Variants in GAB2 observed in about 807,000 individuals in gnomAD.
GAB2 encodes GRB2 associated binding protein 2.
Under a neutral mutation model 65.5 loss-of-function variants are expected in GAB2, and 26 were observed. The ratio of observed to expected loss-of-function variants is 0.40; its 90% CI spans 0.29 to 0.55. The LOEUF (loss-of-function observed/expected upper bound fraction) is 0.55, where lower values mean the gene tolerates loss of function less well. Among genes scored for constraint, GAB2 ranks in the 20% least tolerant of loss-of-function variants. GAB2 has a pLI of 0.53. For synonymous variants in GAB2, 321 were observed against 329.6 expected (o/e 0.97, Z 0.28); for missense variants, 884 against 875.8 (o/e 1.01, Z -0.12).
In GAB2 at chr11:78,341,773, T is replaced by C. The variant is rs375493815; in HGVS notation, c.76-60872A>G. On this transcript the variant is annotated intron_variant, in intron 1 of 9. Coordinates refer to ENST00000361507, the MANE Select transcript of GAB2 (RefSeq NM_080491.3). The stretch of plus-strand genomic sequence containing the variant: ...CCCAAAACTCACCTTTTCATGATGA[T>C]ACCAAAGGTCTAATTCCCTCACTTG... 504 of 986,282 alleles carry C rather than the reference T, an allele frequency of 5.1e-4. 9 individuals carry two copies. In the South Asian group the frequency reaches 0.021, roughly 42 times the overall value. 61.1% of individuals were successfully genotyped at this position (986,282 alleles called of 1,614,324 possible).
At chr11:78,224,088 TAAAAA>T (rs1031712281) in intron 5 of GAB2, among the ~76,000 whole-genome samples, 1 of 151,406 alleles carries the variant, frequency 6.6e-6, no homozygotes, top group African/African-American at 2.4e-5. Flanking sequence ...TTTCAAAAAA[TAAAAA>T]ATAAAAAAAA....
chr11:78,258,335 T>C (rs1565129571), intron 2 of GAB2, among the ~76,000 whole-genome samples: 1 of 152,116 alleles, frequency 6.6e-6, no homozygotes, highest in African/African-American at 2.4e-5. Context: ...GAGTGACAAA[T>C]GAAAGAGCAA....
At chr11:78,251,466 T>C (rs768912938) in intron 2 of GAB2, among the ~76,000 whole-genome samples, 23 of 152,232 alleles carry the variant, frequency 1.5e-4, no homozygotes, top group Admixed American at 7.2e-4. Context: ...CCAAGGTCAT[T>C]ATTCATTTGG....
At chr11:78,324,429 A>G (rs760492598) in intron 1 of GAB2, among the ~76,000 whole-genome samples, 1 of 152,236 alleles carries the variant, frequency 6.6e-6, no homozygotes, top group African/African-American at 2.4e-5. Flanking sequence ...AAGAACAGGT[A>G]AGATTAAATA....
At chr11:78,221,812 A>G in intron 7 of GAB2, 33 bp from the exon 8 acceptor site, 2 of 1,462,826 alleles carry the variant, frequency 1.4e-6, no homozygotes, top group East Asian at 2.3e-5. Context: ...ACACTGGGGA[A>G]GCTGCATGGC....
At chr11:78,230,804 C>A (rs1864821701) in intron 3 of GAB2, among the ~76,000 whole-genome samples, 1 of 152,250 alleles carries the variant, frequency 6.6e-6, no homozygotes, top group South Asian at 2.1e-4. Flanking sequence ...CTGCGCAAAC[C>A]ATGCTAAAAT....
intron 3 of GAB2, among the ~76,000 whole-genome samples, chr11:78,234,987 G>A (rs1032011220): frequency 2.0e-5 from 3 of 152,000 alleles, no homozygotes; most frequent in African/African-American, 4.8e-5. Flanking sequence ...TCCAGCCCGG[G>A]AGACAGAGCG....
In GAB2 at chr11:78,231,336, G is replaced by GGTGTGTGTGTGTGTGTGTGTGT. The variant is rs58651538; in HGVS notation, c.621-4307_621-4286dup. On this transcript the variant is annotated intron_variant, in intron 3 of 9. Coordinates refer to ENST00000361507, the MANE Select transcript of GAB2 (RefSeq NM_080491.3). ...CCTTGGTGCGCGCGCGCGCGTGTGT[G>GGTGTGTGTGTGTGTGTGTGTGT]GTGTGTGTGTGTGTGTGTGTGTGTG... Among the ~76,000 whole-genome samples the GGTGTGTGTGTGTGTGTGTGTGT allele has an allele frequency of 1.4e-3, 209 of 145,894 alleles. 2 individuals carry two copies. Among genetic ancestry groups the GGTGTGTGTGTGTGTGTGTGTGT allele is most frequent in the Middle Eastern group, 7.0e-3 (2 of 286 alleles).
intron 1 of GAB2, among the ~76,000 whole-genome samples, chr11:78,381,701 C>T (rs969625951): frequency 1.3e-5 from 2 of 151,618 alleles, no homozygotes; most frequent in African/African-American, 2.4e-5. Context: ...CATGTTTGAG[C>T]ACATTTGACC....
At chr11:78,391,936 C>T (rs772913003) in intron 1 of GAB2, among the ~76,000 whole-genome samples, 16 of 152,134 alleles carry the variant, frequency 1.1e-4, no homozygotes, top group Non-Finnish European at 1.9e-4. Flanking sequence ...GAGAAGCAGA[C>T]AGCTATAGAA....
chr11:78,414,087 CAAA>C (rs34915163), intron 1 of GAB2, among the ~76,000 whole-genome samples: 8 of 83,278 alleles, frequency 9.6e-5, no homozygotes, highest in African/African-American at 1.8e-4. Context: ...AACTCTGTCT[CAAA>C]AAAAAAAAAA....
chr11:78,354,780 T>C (rs780429652), intron 1 of GAB2, among the ~76,000 whole-genome samples: 13 of 152,192 alleles, frequency 8.5e-5, no homozygotes, highest in Non-Finnish European at 1.9e-4. Context: ...TTCAATCTAA[T>C]AGACTGAAGT....
chr11:78,350,654 T>C (rs1029943304), intron 1 of GAB2, among the ~76,000 whole-genome samples: 5 of 152,120 alleles, frequency 3.3e-5, no homozygotes, highest in Non-Finnish European at 7.4e-5. Flanking sequence ...GTGTGTGTCA[T>C]TGAGAGTTAG....
chr11:78,342,944 G>C (rs1856122808), intron 1 of GAB2, among the ~76,000 whole-genome samples: 1 of 152,122 alleles, frequency 6.6e-6, no homozygotes, highest in African/African-American at 2.4e-5. Flanking sequence ...ACAAATAAAA[G>C]AGGCCCAGAA....
At chr11:78,383,505 G>C (rs557878804) in intron 1 of GAB2, among the ~76,000 whole-genome samples, 11 of 148,796 alleles carry the variant, frequency 7.4e-5, no homozygotes, top group African/African-American at 2.2e-4. Context: ...AATACTTTGG[G>C]AGGCGAGGTG....
chr11:78,223,596 G>C lies in GAB2; in HGVS notation c.1383C>G (p.Thr461=), dbSNP rs1292228894. 1.9e-6 allele frequency: 3 copies of C among 1,613,534 alleles called. No individual in the cohort carries two copies. Among genetic ancestry groups the C allele is most frequent in the South Asian group, 2.2e-5 (2 of 90,998 alleles). The stretch of plus-strand genomic sequence containing the variant: ...CACCTGCTCGTTCCATGGCCAACAG[G>C]GTGGAAGAACCTGGATTCATGGGCA... The part of the protein sequence containing the change: ...NYVPMNPGSS[T]LLAMERAGDN... Residue 461 remains threonine, a synonymous_variant, in exon 6 of 10, where the codon ACC becomes ACG. Transcript: ENST00000361507.
intron 1 of GAB2, among the ~76,000 whole-genome samples, chr11:78,401,110 G>A (rs1856965629): frequency 6.3e-5 from 9 of 143,712 alleles, no homozygotes; most frequent in Admixed American, 6.1e-4. Context: ...TACCAAGTGA[G>A]GTTTAAAAAA....
chr11:78,339,086 C>T (rs1856050493), intron 1 of GAB2, among the ~76,000 whole-genome samples: 1 of 152,028 alleles, frequency 6.6e-6, no homozygotes, highest in Non-Finnish European at 1.5e-5. Flanking sequence ...CCACACCCAG[C>T]TAATTTTTTT....
chr11:78,228,832 G>T (rs1417635877), intron 3 of GAB2, among the ~76,000 whole-genome samples: 1 of 152,112 alleles, frequency 6.6e-6, no homozygotes, highest in Non-Finnish European at 1.5e-5. Context: ...GAAGAGGACG[G>T]GGGTGGCGGG....
Sources: allele counts gnomAD v4.1 joint callset (sites outside exome capture counted in the v4.1 genomes callset), GRCh38; gene constraint gnomAD v4.1.1; transcripts MANE v1.5; gene names NCBI Gene and HGNC (gene_info 2026-07-23, HGNC 2026-07-21).